The following FAM135B variants were observed in gnomAD, a reference collection of about 807,000 sequenced individuals.
The protein encoded by FAM135B is family with sequence similarity 135 member B.
FAM135B carries 43 observed loss-of-function variants against 127.7 expected under a neutral mutation model. That is an observed-to-expected ratio of 0.34 (90% CI 0.26 to 0.43). The LOEUF (loss-of-function observed/expected upper bound fraction) is 0.43. FAM135B is among the 20% of genes least tolerant of loss of function. FAM135B has a pLI of 1.00. For missense variants in FAM135B, 1,558 were observed against 1,725.6 expected, an observed-to-expected ratio of 0.90 and a Z score of 1.72; for synonymous variants, 670 against 665.1, an observed-to-expected ratio of 1.01 and a Z score of -0.11.
chr8:138,431,507 A>T (rs1458981955), intron 1 of FAM135B, among the ~76,000 whole-genome samples: 1 of 152,238 alleles, frequency 6.6e-6, no homozygotes, highest in Admixed American at 6.5e-5. Flanking sequence ...TTATTGGAAC[A>T]CAACCACACC....
At chr8:138,434,849 A>G (rs2131521371) in intron 1 of FAM135B, among the ~76,000 whole-genome samples, 1 of 152,160 alleles carries the variant, frequency 6.6e-6, no homozygotes, top group Middle Eastern at 3.4e-3. Context: ...TGTGTCACTA[A>G]TAACAGTGAC....
At chr8:138,389,757 C>A (rs115684576) in intron 1 of FAM135B, among the ~76,000 whole-genome samples, 448 of 152,198 alleles carry the variant, frequency 2.9e-3, no homozygotes, top group African/African-American at 0.01. Context: ...GACAATATTG[C>A]GGATATGCTG....
At chr8:138,218,957 C>T (rs1274790954) in intron 7 of FAM135B, among the ~76,000 whole-genome samples, 1 of 152,164 alleles carries the variant, frequency 6.6e-6, no homozygotes, top group African/African-American at 2.4e-5. Flanking sequence ...TTCTAAAATT[C>T]CAACAATAAA....
At chr8:138,222,121 G>A (rs1490066771) in intron 7 of FAM135B, among the ~76,000 whole-genome samples, 1 of 152,086 alleles carries the variant, frequency 6.6e-6, no homozygotes, top group Non-Finnish European at 1.5e-5. Context: ...GAGAGAGAGA[G>A]ACGGGAAGCC....
At chr8:138,331,549 A>G (rs1338058362) in intron 2 of FAM135B, among the ~76,000 whole-genome samples, 1 of 152,128 alleles carries the variant, frequency 6.6e-6, no homozygotes, top group East Asian at 1.9e-4. Flanking sequence ...GTTTAAAACT[A>G]AGGTCTGTCA....
At chr8:138,179,688 A>T (rs569942759) in intron 9 of FAM135B, among the ~76,000 whole-genome samples, 41 of 152,118 alleles carry the variant, frequency 2.7e-4, no homozygotes, top group South Asian at 2.1e-4. Flanking sequence ...ACACTACTCC[A>T]CATTTGTTTT....
intron 1 of FAM135B, among the ~76,000 whole-genome samples, chr8:138,484,274 G>A (rs1814901266): frequency 1.3e-5 from 2 of 152,094 alleles, no homozygotes; most frequent in Admixed American, 6.5e-5. Flanking sequence ...CACACAGCTG[G>A]GTGGCTAAAG....
intron 2 of FAM135B, among the ~76,000 whole-genome samples, chr8:138,338,879 G>T (rs1368124902): frequency 1.3e-5 from 2 of 152,128 alleles, no homozygotes; most frequent in Non-Finnish European, 2.9e-5. Context: ...AACAATGGTA[G>T]ACTGGATTAA....
At chr8:138,480,344 A>C (rs2131679865) in intron 1 of FAM135B, among the ~76,000 whole-genome samples, 1 of 152,302 alleles carries the variant, frequency 6.6e-6, no homozygotes, top group South Asian at 2.1e-4. Flanking sequence ...TCTGGTTCCA[A>C]AACATCATTA....
chr8:138,349,110 G>C (rs1052947264), intron 2 of FAM135B, among the ~76,000 whole-genome samples: 1 of 152,234 alleles, frequency 6.6e-6, no homozygotes, highest in Non-Finnish European at 1.5e-5. Context: ...TCTTAGCACT[G>C]AAAGTCTTAC....
intron 2 of FAM135B, among the ~76,000 whole-genome samples, chr8:138,339,197 C>T (rs1422745375): frequency 6.6e-6 from 1 of 151,824 alleles, no homozygotes; most frequent in Non-Finnish European, 1.5e-5. Context: ...CAACATGGCA[C>T]ATGTATACAT....
At chr8:138,340,611 T>A (rs138260272) in intron 2 of FAM135B, among the ~76,000 whole-genome samples, 131 of 152,274 alleles carry the variant, frequency 8.6e-4, no homozygotes, top group African/African-American at 3.0e-3. Context: ...CTAGCTATGA[T>A]GCCGACCTGC....
chr8:138,287,402 A>C (rs1302153569), intron 3 of FAM135B, among the ~76,000 whole-genome samples: 1 of 149,902 alleles, frequency 6.7e-6, no homozygotes, highest in Admixed American at 6.6e-5. Flanking sequence ...ATAAACTGCT[A>C]GTGGAAGTTG....
intron 1 of FAM135B, among the ~76,000 whole-genome samples, chr8:138,435,333 C>T (rs1391828525): frequency 1.1e-4 from 17 of 151,910 alleles, no homozygotes; most frequent in Admixed American, 9.2e-4. Flanking sequence ...AAAGAAGCCA[C>T]ATGCCAAACT....
chr8:138,400,289 T>A (rs4419816), intron 1 of FAM135B, among the ~76,000 whole-genome samples: 73,774 of 151,858 alleles, frequency 0.49, 18,693 homozygotes, highest in African/African-American at 0.61. Context: ...TGCAAGGCAA[T>A]TGATTCAGTC....
At chr8:138,355,298 G>A (rs921672023) in intron 2 of FAM135B, among the ~76,000 whole-genome samples, 2 of 152,142 alleles carry the variant, frequency 1.3e-5, no homozygotes, top group East Asian at 1.9e-4. Flanking sequence ...TACTCACAAC[G>A]GCAAAGACTT....
At chr8:138,221,867 A>C (rs888763035) in intron 7 of FAM135B, among the ~76,000 whole-genome samples, 13 of 152,232 alleles carry the variant, frequency 8.5e-5, no homozygotes, top group Admixed American at 7.2e-4. Context: ...GCACATGCGC[A>C]CACACCCACA....
rs759450114 is a variant in FAM135B, at chr8:138,152,939, A to C, written c.1536T>G (p.Gly512=). 5.0e-6 allele frequency: 8 copies of C among 1,614,184 alleles called. No homozygotes were observed. Among genetic ancestry groups the C allele is most frequent in the Non-Finnish European group, 6.8e-6 (8 of 1,180,038 alleles). ...ISIGEFQNKA[G]VPEDECWTGQ... The stretch of plus-strand genomic sequence containing the variant: ...CAGTCCAACATTCATCTTCAGGCAC[A>C]CCTGCTTTGTTTTGAAATTCACCAA... The change falls in exon 13 of 20, where the codon GGT becomes GGG. Residue 512 remains glycine (G), a synonymous_variant. Transcript: ENST00000395297.
intron 3 of FAM135B, among the ~76,000 whole-genome samples, chr8:138,276,973 C>A (rs1233761999): frequency 2.0e-5 from 3 of 152,164 alleles, no homozygotes; most frequent in African/African-American, 7.2e-5. Flanking sequence ...AAGCTCAGAG[C>A]AGTGCTTGTT....
Sources: allele counts gnomAD v4.1 joint callset (sites outside exome capture counted in the v4.1 genomes callset), GRCh38; gene constraint gnomAD v4.1.1; transcripts MANE v1.5; gene names NCBI Gene and HGNC (gene_info 2026-07-23, HGNC 2026-07-21).